ZC3H8: variants seen among roughly 807,000 people sequenced by gnomAD.
ZC3H8 encodes zinc finger CCCH-type containing 8.
Under a neutral mutation model 42.5 loss-of-function variants are expected in ZC3H8, and 27 were observed. The ratio of observed to expected loss-of-function variants is 0.64; its 90% CI spans 0.47 to 0.88. The LOEUF (loss-of-function observed/expected upper bound fraction) is 0.88, where lower values mean the gene tolerates loss of function less well. ZC3H8 is among the 40% of genes least tolerant of loss of function. The pLI is 0.00. For missense variants in ZC3H8, 277 were observed against 336.1 expected (o/e 0.82, Z 1.37); for synonymous variants, 101 against 110.1 (o/e 0.92, Z 0.52).
At chr2:112,227,250 C>T (rs760614737) in intron 8 of ZC3H8, among the ~76,000 whole-genome samples, 3 of 152,220 alleles carry the variant, frequency 2.0e-5, no homozygotes, top group Admixed American at 6.5e-5. Flanking sequence ...GGCAGCTGGG[C>T]GCGGTGGCTC....
At chr2:112,218,716 G>C (rs1684443331) in intron 8 of ZC3H8, among the ~76,000 whole-genome samples, 1 of 152,154 alleles carries the variant, frequency 6.6e-6, no homozygotes, top group Non-Finnish European at 1.5e-5. Context: ...TTAATCGACT[G>C]TTTATGTTCT....
intron 2 of ZC3H8, among the ~76,000 whole-genome samples, chr2:112,248,485 G>A (rs1440315587): frequency 6.6e-6 from 1 of 152,070 alleles, no homozygotes; most frequent in African/African-American, 2.4e-5. Flanking sequence ...CTTCTATAGT[G>A]TGTTAAAACT....
chr2:112,244,955 A>G (rs542959005), intron 2 of ZC3H8, among the ~76,000 whole-genome samples: 4 of 152,344 alleles, frequency 2.6e-5, no homozygotes, highest in African/African-American at 4.8e-5. Context: ...AGGAAGAATC[A>G]TATGTCTCTA....
intron 3 of ZC3H8, among the ~76,000 whole-genome samples, chr2:112,237,981 T>C (rs1573912464): frequency 6.6e-6 from 1 of 152,260 alleles, no homozygotes; most frequent in East Asian, 1.9e-4. Context: ...TTCCAGTCAA[T>C]CCTCTTTAAA....
At chr2:112,241,592 ATATGT>A (rs771087908) in intron 2 of ZC3H8, among the ~76,000 whole-genome samples, 2 of 152,370 alleles carry the variant, frequency 1.3e-5, no homozygotes, top group East Asian at 3.9e-4. Context: ...GTATGTTCAA[ATATGT>A]TATTCCGTTT....
rs747918999 is a variant in ZC3H8 at position 112,238,483 on chromosome 2, A to T, written c.202T>A (p.Ser68Thr). 6 of 1,612,228 alleles carry T rather than the reference A, an allele frequency of 3.7e-6. No homozygotes were observed. The Admixed American group carries it at 1.0e-4, about 27-fold the overall frequency. ...ISPKSSLHRK[S>T]RSKDYDVYSD... is the part of the protein sequence containing the mutation. ...TATACATCATAGTCCTTACTTCTTGATTTTCTATGCAGCGAACTTTTTGGT... is the reference window on the plus strand; with the variant it reads ...TATACATCATAGTCCTTACTTCTTGTTTTTCTATGCAGCGAACTTTTTGGT... The change falls in exon 3 of 9, where the codon TCA (serine) becomes ACA (threonine). Residue 68 changes from serine to threonine, a missense_variant. By Grantham distance (58) the Ser-to-Thr change is moderately conservative. Coordinates refer to ENST00000409573, the MANE Select transcript of ZC3H8 (RefSeq NM_032494.3).
At chr2:112,254,780 A>C in intron 1 of ZC3H8, 128 bp downstream of exon 1, 10 of 1,116,718 alleles carry the variant, frequency 9.0e-6, no homozygotes, top group Admixed American at 2.6e-5. Flanking sequence ...CGGCCGGCCC[A>C]CGTGCTCCCC....
chr2:112,239,171 A>ACCCAGGCATGGGAGCTAATCCTAGAGGAG (rs1254869784), intron 2 of ZC3H8, among the ~76,000 whole-genome samples: 3 of 152,224 alleles, frequency 2.0e-5, no homozygotes, highest in Non-Finnish European at 4.4e-5. Flanking sequence ...AGGGTGAAGA[A>ACCCAGGCATGGGAGCTAATCCTAGAGGAG]CCCAGGCATG....
chr2:112,225,980 G>C (rs1260210602), intron 8 of ZC3H8, among the ~76,000 whole-genome samples: 3 of 152,004 alleles, frequency 2.0e-5, no homozygotes, highest in Non-Finnish European at 2.9e-5. Context: ...TACTTGGGAA[G>C]CTGAGGCAGG....
intron 2 of ZC3H8, among the ~76,000 whole-genome samples, chr2:112,240,738 T>C (rs1163724556): frequency 1.3e-5 from 2 of 152,222 alleles, no homozygotes; most frequent in African/African-American, 4.8e-5. Context: ...GGCATTGAAA[T>C]ATATAAAATA....
chr2:112,250,407 A>C, intron 1 of ZC3H8, 135 bp from the exon 2 acceptor site: 1 of 509,718 alleles, frequency 2.0e-6, no homozygotes, highest in Non-Finnish European at 3.3e-6. Flanking sequence ...TCTATACCAA[A>C]TACTCCAGAA....
rs79916392 is a variant in ZC3H8 at position 112,246,550 on chromosome 2, C to T, written c.156+3641G>A. On this transcript the variant is annotated intron_variant, in intron 2 of 8. Coordinates refer to ENST00000409573, the MANE Select transcript of ZC3H8 (RefSeq NM_032494.3). ...TTGAGGAGTTCAAGACTTCAGTAGACGAAGTAATTGCAGGTGTGGTGGAAA... is the reference window on the plus strand; with the variant it reads ...TTGAGGAGTTCAAGACTTCAGTAGATGAAGTAATTGCAGGTGTGGTGGAAA... Among the ~76,000 whole-genome samples the T allele has an allele frequency of 4.0e-3, 604 of 152,174 alleles. 7 individuals carry two copies. Among genetic ancestry groups the T allele is most frequent in the African/African-American group, 0.014 (566 of 41,510 alleles).
At chr2:112,249,230 A>T (rs1392265659) in intron 2 of ZC3H8, among the ~76,000 whole-genome samples, 1 of 152,144 alleles carries the variant, frequency 6.6e-6, no homozygotes. Flanking sequence ...AGACACAGGC[A>T]TACAGGGAGA....
intron 2 of ZC3H8, among the ~76,000 whole-genome samples, chr2:112,244,421 TA>T (rs1276165891): frequency 3.3e-5 from 5 of 152,022 alleles, no homozygotes; most frequent in South Asian, 2.1e-4. Context: ...AAATGATACT[TA>T]AAAAAAATTA....
chr2:112,239,624 G>A (rs1444076806), intron 2 of ZC3H8, among the ~76,000 whole-genome samples: 2 of 97,424 alleles, frequency 2.1e-5, no homozygotes, highest in Non-Finnish European at 3.8e-5. Flanking sequence ...TCACTCTATT[G>A]CCCAGGCTGG....
chr2:112,221,663 A>G (rs2104643298), intron 8 of ZC3H8, among the ~76,000 whole-genome samples: 2 of 152,078 alleles, frequency 1.3e-5, no homozygotes, highest in South Asian at 4.1e-4. Context: ...TGCTGATAAG[A>G]CTTGAGACTG....
intron 2 of ZC3H8, among the ~76,000 whole-genome samples, chr2:112,242,728 T>C (rs1167758435): frequency 1.3e-5 from 2 of 152,210 alleles, no homozygotes; most frequent in Non-Finnish European, 2.9e-5. Flanking sequence ...TTCACCACAA[T>C]ATTCCCAACT....
intron 1 of ZC3H8, among the ~76,000 whole-genome samples, chr2:112,251,855 G>C (rs1204181610): frequency 1.3e-5 from 2 of 152,162 alleles, no homozygotes; most frequent in Admixed American, 6.5e-5. Flanking sequence ...ACCCATATTA[G>C]ACCTATGAGC....
intron 4 of ZC3H8, 126 bp from the exon 5 acceptor site, chr2:112,234,362 A>G (rs765937018): frequency 1.2e-5 from 8 of 677,708 alleles, no homozygotes; most frequent in South Asian, 2.1e-5. Context: ...TGGCCTTCAT[A>G]TGTAAAATTT....
Sources: allele counts gnomAD v4.1 joint callset (sites outside exome capture counted in the v4.1 genomes callset), GRCh38; gene constraint gnomAD v4.1.1; transcripts MANE v1.5; gene names NCBI Gene and HGNC (gene_info 2026-07-23, HGNC 2026-07-21).